ULK4: variants seen among roughly 807,000 people sequenced by gnomAD.
ULK4 encodes the protein unc-51 like kinase 4.
Under a neutral mutation model 160.6 loss-of-function variants are expected in ULK4, and 133 were observed. The ratio of observed to expected loss-of-function variants is 0.83; its 90% CI spans 0.72 to 0.96. The LOEUF (loss-of-function observed/expected upper bound fraction) is 0.96. Among genes scored for constraint, ULK4 ranks in the 40% least tolerant of loss-of-function variants. The probability of loss-of-function intolerance (pLI) is 0.00; values close to 1 mark genes in which losing one functional copy is unlikely to be tolerated. For missense variants in ULK4, 1,580 were observed against 1,499.5 expected (o/e 1.05, Z -0.89); for synonymous variants, 534 against 539.8 (o/e 0.99, Z 0.15).
chr3:41,800,413 G>T, intron 19 of ULK4, 120 bp from the exon 20 acceptor site: 1 of 918,548 alleles, frequency 1.1e-6, no homozygotes, highest in Non-Finnish European at 1.6e-6. Context: ...GATGTGTTAG[G>T]CAACTTGGGA....
chr3:41,479,568 C>G (rs1057463262), intron 32 of ULK4, among the ~76,000 whole-genome samples: 6 of 152,072 alleles, frequency 3.9e-5, no homozygotes, highest in Non-Finnish European at 7.4e-5. Flanking sequence ...GGAAGAAAGG[C>G]AAGACAGGCT....
At chr3:41,890,444 C>G (rs1697880562) in intron 16 of ULK4, among the ~76,000 whole-genome samples, 1 of 151,882 alleles carries the variant, frequency 6.6e-6, no homozygotes. Context: ...CTTTGGGAGG[C>G]CAAGGCAGGT....
chr3:41,475,679 A>C (rs959234324), intron 32 of ULK4, among the ~76,000 whole-genome samples: 1 of 152,202 alleles, frequency 6.6e-6, no homozygotes, highest in African/African-American at 2.4e-5. Flanking sequence ...AAAACCTGAG[A>C]AAAGTTCACT....
chr3:41,654,250 G>A (rs2034851322), intron 30 of ULK4, among the ~76,000 whole-genome samples: 1 of 152,052 alleles, frequency 6.6e-6, no homozygotes, highest in Non-Finnish European at 1.5e-5. Flanking sequence ...AACCAGACAA[G>A]ACAACAAAAA....
intron 35 of ULK4, among the ~76,000 whole-genome samples, chr3:41,322,095 G>C (rs112853719): frequency 6.9e-6 from 1 of 144,054 alleles, no homozygotes; most frequent in Admixed American, 7.0e-5. Context: ...GCAGTGGCGC[G>C]ATCTCGGCTC....
chr3:41,513,828 G>A (rs1374863581), intron 32 of ULK4, among the ~76,000 whole-genome samples: 1 of 152,152 alleles, frequency 6.6e-6, no homozygotes, highest in Non-Finnish European at 1.5e-5. Flanking sequence ...AGGTGGGACG[G>A]AGCTGAGGGA....
intron 18 of ULK4, among the ~76,000 whole-genome samples, chr3:41,824,650 G>A (rs1335064566): frequency 6.6e-6 from 1 of 152,186 alleles, no homozygotes; most frequent in Non-Finnish European, 1.5e-5. Flanking sequence ...GCTTGAGTAG[G>A]TAAACAAAGC....
rs756975928 is a variant in ULK4 at position 41,681,748 on chromosome 3, C to T, written c.2833+5G>A. The T allele has an allele frequency of 3.7e-6, 6 of 1,614,062 alleles. No individual in the cohort carries two copies. Among genetic ancestry groups the T allele is most frequent in the African/African-American group, 2.7e-5 (2 of 75,036 alleles). On this transcript the variant is annotated splice_donor_5th_base_variant and intron_variant, in intron 28 of 36. Coordinates refer to ENST00000301831, the MANE Select transcript of ULK4 (RefSeq NM_017886.4). ...TGCAATTCTTGCTGGTGTCATCACA[C>T]TTACCATTTTGGCTTTGAACCAAGG...
intron 34 of ULK4, among the ~76,000 whole-genome samples, chr3:41,419,025 C>T (rs1334281088): frequency 6.6e-6 from 1 of 152,056 alleles, no homozygotes; most frequent in African/African-American, 2.4e-5. Flanking sequence ...GGTTAGAACA[C>T]CAAGTTCATA....
At chr3:41,509,860 A>C (rs1195795783) in intron 32 of ULK4, among the ~76,000 whole-genome samples, 5 of 152,208 alleles carry the variant, frequency 3.3e-5, no homozygotes, top group Non-Finnish European at 7.3e-5. Flanking sequence ...AATACACCAA[A>C]ATAGAACCTT....
At position 41,480,853 on chromosome 3, in the gene ULK4, G is replaced by C. The variant is rs371208623; in HGVS notation, c.3227-17600C>G. Reference sequence around the variant, plus strand: ...TGGCAAGGAGAAGTGCAGAGTGAAGGGGGTAAGGCCTCTTATAAAACCATC... The same window carrying C: ...TGGCAAGGAGAAGTGCAGAGTGAAGCGGGTAAGGCCTCTTATAAAACCATC... On this transcript the variant is annotated intron_variant, in intron 32 of 36. Transcript: ENST00000301831. Among the ~76,000 whole-genome samples, 26 of 152,166 alleles carry C rather than the reference G, an allele frequency of 1.7e-4. No homozygotes were observed. In the South Asian group the frequency reaches 5.0e-3, roughly 29 times the overall value.
At chr3:41,782,505 T>C (rs1446311498) in intron 21 of ULK4, among the ~76,000 whole-genome samples, 1 of 152,150 alleles carries the variant, frequency 6.6e-6, no homozygotes, top group Non-Finnish European at 1.5e-5. Context: ...TAGTTTACTA[T>C]GTGACCTCTA....
Position 41,397,796 on chromosome 3 carries a change from C to T in ULK4, c.3678+283G>A, listed in dbSNP as rs549924108. Among the ~76,000 whole-genome samples, 13 of 152,172 alleles carry T rather than the reference C, an allele frequency of 8.5e-5. No homozygotes were observed. In the South Asian group the frequency reaches 1.9e-3, roughly 22 times the overall value. Reference sequence around the variant, plus strand: ...TTTGATTACTTAAGTAACAGAATATCAATTTTATTTTAGGAAATACAAACT... The same window carrying T: ...TTTGATTACTTAAGTAACAGAATATTAATTTTATTTTAGGAAATACAAACT... On this transcript the variant is annotated intron_variant, in intron 35 of 36. Transcript: ENST00000301831.
intron 35 of ULK4, among the ~76,000 whole-genome samples, chr3:41,330,791 C>T (rs1345828469): frequency 6.6e-6 from 1 of 152,148 alleles, no homozygotes; most frequent in Non-Finnish European, 1.5e-5. Flanking sequence ...GTCTGAGGTT[C>T]TGGGTTTTTA....
chr3:41,383,318 C>G (rs546791506), intron 35 of ULK4, among the ~76,000 whole-genome samples: 1 of 152,084 alleles, frequency 6.6e-6, no homozygotes, highest in Non-Finnish European at 1.5e-5. Flanking sequence ...AGGTTGGTCT[C>G]GAACTCTTGA....
At chr3:41,707,765 C>G (rs555525120) in intron 25 of ULK4, among the ~76,000 whole-genome samples, 1 of 151,846 alleles carries the variant, frequency 6.6e-6, no homozygotes, top group African/African-American at 2.4e-5. Flanking sequence ...GAGATCAAGG[C>G]TGCAGTGGGC....
chr3:41,813,984 G>C (rs954232549), intron 19 of ULK4, among the ~76,000 whole-genome samples: 2 of 152,168 alleles, frequency 1.3e-5, no homozygotes, highest in African/African-American at 4.8e-5. Flanking sequence ...TGGTATGAGG[G>C]AAGTGATTCT....
chr3:41,789,668 T>C lies in ULK4; in HGVS notation c.2186A>G (p.Gln729Arg). ...SCGIHLQRLI[Q>R]EKGFVSTIIR... ...GTAAAATCTAAGTCAAACCTTTTCT[T>C]GGATTAGTCTTTGAAGATGAATCCC... Residue 729 changes from glutamine (Q) to arginine (R), a missense_variant, in exon 21 of 37, where the codon CAA (glutamine) becomes CGA (arginine). Physicochemically the swap from Gln to Arg is conservative, Grantham distance 43 (BLOSUM62 1). Transcript: ENST00000301831. 1 of 1,568,348 alleles carries C rather than the reference T, an allele frequency of 6.4e-7. No individual in the cohort carries two copies. The highest frequency in any genetic ancestry group is 1.4e-5 in the African/African-American group (1 of 72,572).
rs561178031 is a variant in ULK4, at chr3:41,456,179, G to A, written c.3394-584C>T. 3.0e-4 allele frequency among the ~76,000 whole-genome samples: 46 copies of A among 152,268 alleles called. No individual in the cohort carries two copies. The South Asian group carries it at 9.3e-3, about 31-fold the overall frequency. ...CCCATCACAGACTCCCAAAATGCTG[G>A]CATTGCAGATGTGAGCCACCGCGCC... On this transcript the variant is annotated intron_variant, in intron 33 of 36. Coordinates refer to ENST00000301831, the MANE Select transcript of ULK4 (RefSeq NM_017886.4).
Sources: gnomAD v4.1 joint callset for allele counts (sites outside exome capture counted in the v4.1 genomes callset) on GRCh38, gnomAD v4.1.1 for gene constraint, MANE v1.5 for transcripts, NCBI Gene and HGNC (gene_info 2026-07-23, HGNC 2026-07-21) for gene names.